Variants in ADARB2 observed in about 807,000 individuals in gnomAD.
The protein encoded by ADARB2 is inactive double-stranded RNA-specific editase B2.
In ADARB2, 25 loss-of-function variants were observed where a neutral mutation model predicts 62.2. The ratio of observed to expected loss-of-function variants is 0.40; its 90% CI spans 0.29 to 0.56. The LOEUF is 0.56. Among genes scored for constraint, ADARB2 ranks in the 20% least tolerant of loss-of-function variants. ADARB2 has a pLI of 0.43. For synonymous variants in ADARB2, 572 were observed against 500.8 expected, an observed-to-expected ratio of 1.14 and a Z score of -1.90; for missense variants, 1,071 against 1,077.4, an observed-to-expected ratio of 0.99 and a Z score of 0.08.
At chr10:1,473,483 G>T (rs1020134614) in intron 1 of ADARB2, among the ~76,000 whole-genome samples, 7 of 152,100 alleles carry the variant, frequency 4.6e-5, no homozygotes, top group Non-Finnish European at 8.8e-5. Flanking sequence ...GGGCTCAAGG[G>T]ATTCTCCTGC....
intron 6 of ADARB2, among the ~76,000 whole-genome samples, chr10:1,231,630 G>A (rs533140553): frequency 3.3e-5 from 5 of 152,258 alleles, no homozygotes; most frequent in Middle Eastern, 3.4e-3. Context: ...AAGTCCCTGA[G>A]GTTGAACAGG....
chr10:1,473,603 A>G (rs970434502), intron 1 of ADARB2, among the ~76,000 whole-genome samples: 1 of 152,120 alleles, frequency 6.6e-6, no homozygotes, highest in South Asian at 2.1e-4. Flanking sequence ...GCTGCTCTTG[A>G]ATTCCTGGGC....
At chr10:1,683,067 A>G (rs964636499) in intron 1 of ADARB2, among the ~76,000 whole-genome samples, 3 of 152,244 alleles carry the variant, frequency 2.0e-5, no homozygotes, top group African/African-American at 7.2e-5. Context: ...GCTGCTGCAG[A>G]CAATGTTTTG....
At chr10:1,498,715 G>A (rs1476750630) in intron 1 of ADARB2, among the ~76,000 whole-genome samples, 6 of 152,160 alleles carry the variant, frequency 3.9e-5, no homozygotes, top group African/African-American at 7.2e-5. Flanking sequence ...TAAAACACAA[G>A]TTACAGACAT....
At chr10:1,270,818 A>G in intron 4 of ADARB2, 137 bp downstream of exon 4, 2 of 730,578 alleles carry the variant, frequency 2.7e-6, no homozygotes, top group Non-Finnish European at 4.6e-6. Flanking sequence ...TGATCTCTGT[A>G]TATGCTATAA....
Position 1,737,348 on chromosome 10 carries a change from G to C in ADARB2, c.-198C>G, listed in dbSNP as rs557432796. The C allele has an allele frequency of 4.2e-4, 244 of 576,468 alleles. 2 individuals carry two copies. The highest frequency in any genetic ancestry group is 3.2e-3 in the African/African-American group (172 of 52,990). 35.7% of individuals were successfully genotyped at this position (576,468 alleles called of 1,614,324 possible). ...GTTCTCTATGACTTGCTCCCACTGG[G>C]CTGGGGGCCTCGGCTGGGCGCCTGG... On this transcript the variant is annotated 5_prime_UTR_variant, in exon 1 of 10. Transcript: ENST00000381312.
intron 1 of ADARB2, among the ~76,000 whole-genome samples, chr10:1,726,511 C>T (rs1270556694): frequency 2.0e-5 from 3 of 152,158 alleles, no homozygotes; most frequent in Non-Finnish European, 4.4e-5. Context: ...ATGGATGACT[C>T]TGTAAATCGT....
chr10:1,364,020 C>A (rs1371962433), intron 2 of ADARB2, 103 bp from the exon 3 acceptor site: 12 of 1,370,438 alleles, frequency 8.8e-6, no homozygotes, highest in Non-Finnish European at 1.1e-5. Flanking sequence ...ACCTCGCCGC[C>A]CGCGCCCCCA....
intron 1 of ADARB2, among the ~76,000 whole-genome samples, chr10:1,467,874 AC>A (rs935071182): frequency 7.9e-5 from 12 of 152,170 alleles, no homozygotes; most frequent in African/African-American, 2.9e-4. Context: ...TCTTCCTGAA[AC>A]GAAAGCCGTC....
In ADARB2 at chr10:1,460,013, A is replaced by G. The variant is rs375763063; in HGVS notation, c.101-80853T>C. ...CCTGTGACCTGAGTTTACCTGCGTA[A>G]CAAACCTGCCTGTGACCTGAGTTTA... On this transcript the variant is annotated intron_variant, in intron 1 of 9. Transcript: ENST00000381312. 1.8e-3 allele frequency among the ~76,000 whole-genome samples: 145 copies of G among 80,752 alleles called. 4 individuals carry two copies. Among genetic ancestry groups the G allele is most frequent in the Middle Eastern group, 6.5e-3 (1 of 154 alleles). 53.0% of individuals were successfully genotyped at this position (80,752 alleles called of 152,430 possible).
At chr10:1,469,553 G>A (rs1453454201) in intron 1 of ADARB2, among the ~76,000 whole-genome samples, 11 of 152,214 alleles carry the variant, frequency 7.2e-5, no homozygotes, top group Admixed American at 7.2e-4. Flanking sequence ...AGAATAGATT[G>A]GTGGGAGAAT....
Position 1,217,064 on chromosome 10 carries a change from G to C in ADARB2, c.1569C>G (p.Ile523Met). ...RKFRGHLRTK[I>M]ESGEGTVPVR... ...CGGGGACCGTCCCTTCCCCGGACTC[G>C]ATCTTGGTGCGCAGGTGCCCGCGGA... is the stretch of plus-strand genomic sequence containing the variant. Residue 523 changes from isoleucine to methionine, a missense_variant, in exon 7 of 10, where the codon ATC (isoleucine) becomes ATG (methionine). Transcript: ENST00000381312. The C allele has an allele frequency of 6.2e-7, 1 of 1,609,654 alleles. No individual in the cohort carries two copies. The highest frequency in any genetic ancestry group is 8.5e-7 in the Non-Finnish European group (1 of 1,178,230).
intron 1 of ADARB2, among the ~76,000 whole-genome samples, chr10:1,720,922 CA>C (rs1202163586): frequency 4.6e-5 from 7 of 152,224 alleles, no homozygotes; most frequent in South Asian, 2.1e-4. Flanking sequence ...TTTCAGAAAG[CA>C]AAGGCACCCA....
intron 1 of ADARB2, among the ~76,000 whole-genome samples, chr10:1,470,383 T>C (rs1831305774): frequency 6.6e-6 from 1 of 152,226 alleles, no homozygotes; most frequent in South Asian, 2.1e-4. Context: ...ATGCTGCTGA[T>C]GCAAATACAC....
intron 1 of ADARB2, among the ~76,000 whole-genome samples, chr10:1,672,109 C>G (rs947737387): frequency 2.0e-5 from 3 of 148,614 alleles, no homozygotes; most frequent in African/African-American, 7.6e-5. Context: ...AAGCAGAGCC[C>G]TACCCCATCC....
At chr10:1,302,888 C>T (rs1449931861) in intron 3 of ADARB2, among the ~76,000 whole-genome samples, 2 of 152,016 alleles carry the variant, frequency 1.3e-5, no homozygotes, top group East Asian at 3.9e-4. Context: ...ACATCACCAT[C>T]ATCAAAGACC....
intron 3 of ADARB2, among the ~76,000 whole-genome samples, chr10:1,297,631 C>G (rs1165583644): frequency 6.6e-6 from 1 of 152,210 alleles, no homozygotes; most frequent in African/African-American, 2.4e-5. Context: ...CCCTTGCCCT[C>G]CTCTCCTCTT....
At chr10:1,566,986 T>C (rs943554923) in intron 1 of ADARB2, among the ~76,000 whole-genome samples, 1 of 151,898 alleles carries the variant, frequency 6.6e-6, no homozygotes. Flanking sequence ...ATAAAAACCC[T>C]GGGGTTTTAG....
intron 7 of ADARB2, among the ~76,000 whole-genome samples, chr10:1,213,346 G>A (rs1003124082): frequency 1.2e-4 from 18 of 152,114 alleles, no homozygotes; most frequent in African/African-American, 4.3e-4. Flanking sequence ...GGCCGAGAGC[G>A]AGAGGAGGAG....
Sources: gnomAD v4.1 joint callset for allele counts (sites outside exome capture counted in the v4.1 genomes callset) on GRCh38, gnomAD v4.1.1 for gene constraint, MANE v1.5 for transcripts, NCBI Gene and HGNC (gene_info 2026-07-23, HGNC 2026-07-21) for gene names.